PDS5B: variants seen among roughly 807,000 people sequenced by gnomAD.
PDS5B encodes the protein PDS5 cohesin associated factor B.
In PDS5B, 51 loss-of-function variants were observed where a neutral mutation model predicts 184.1. The ratio of observed to expected loss-of-function variants is 0.28; its 90% confidence interval spans 0.22 to 0.35. PDS5B has a LOEUF of 0.35. PDS5B is among the 10% of genes least tolerant of loss of function. The probability of loss-of-function intolerance (pLI) is 1.00; values close to 1 mark genes in which losing one functional copy is unlikely to be tolerated. For synonymous variants in PDS5B, 566 were observed against 569.2 expected, an observed-to-expected ratio of 0.99 and a Z score of 0.08; for missense variants, 1,180 against 1,723.3, an observed-to-expected ratio of 0.68 and a Z score of 5.58.
intron 2 of PDS5B, 138 bp from the exon 3 acceptor site, chr13:32,651,666 T>C (rs2140665048): frequency 3.5e-6 from 2 of 564,390 alleles, no homozygotes; most frequent in South Asian, 2.6e-5. Flanking sequence ...AATTGTGTTC[T>C]CTCAAATAGA....
At position 32,699,696 on chromosome 13, in the gene PDS5B, A is replaced by T; in HGVS notation, c.1601-34A>T. 3 of 1,266,716 alleles carry T rather than the reference A, an allele frequency of 2.4e-6. No individual in the cohort carries two copies. The South Asian group carries it at 5.7e-5, about 24-fold the overall frequency. The allele number at this position is 1,266,716 out of a possible 1,614,324, so 78.5% of individuals were successfully genotyped here. A position where few individuals can be genotyped will look rare whatever the true frequency, so the allele number is the denominator to read the frequency against. On this transcript the variant is annotated intron_variant, in intron 15 of 34. Coordinates refer to ENST00000315596, the MANE Select transcript of PDS5B (RefSeq NM_015032.4). ...TATTATTATTTTAAGAATTAAAAAA[A>T]ATTGATTTTAATTGAACTTTAATTT...
At chr13:32,611,431 A>G (rs1186560558) in intron 1 of PDS5B, among the ~76,000 whole-genome samples, 2 of 147,458 alleles carry the variant, frequency 1.4e-5, no homozygotes, top group African/African-American at 2.5e-5. Context: ...GTCTTTTTCT[A>G]CTCCATCCTT....
intron 1 of PDS5B, among the ~76,000 whole-genome samples, chr13:32,608,057 G>A (rs962509332): frequency 5.3e-5 from 8 of 152,126 alleles, no homozygotes; most frequent in Non-Finnish European, 1.0e-4. Context: ...CCCACTGTCC[G>A]ACAAGCCCCA....
chr13:32,712,736 A>G (rs919364132), intron 19 of PDS5B, among the ~76,000 whole-genome samples: 1 of 152,204 alleles, frequency 6.6e-6, no homozygotes, highest in Non-Finnish European at 1.5e-5. Flanking sequence ...AAGAGAAAGA[A>G]AGAAAACCTG....
At chr13:32,627,830 G>A (rs986105853) in intron 1 of PDS5B, among the ~76,000 whole-genome samples, 4 of 152,132 alleles carry the variant, frequency 2.6e-5, no homozygotes, top group Non-Finnish European at 4.4e-5. Flanking sequence ...CTTGCATACC[G>A]TTTGAGATCT....
At chr13:32,773,364 A>C in intron 34 of PDS5B, 40 bp downstream of exon 34, 1 of 1,550,560 alleles carries the variant, frequency 6.4e-7, no homozygotes, top group Non-Finnish European at 8.7e-7. Context: ...TGGGATATAA[A>C]AAGAGTTAGT....
At chr13:32,704,478 G>A (rs1013556563) in intron 17 of PDS5B, among the ~76,000 whole-genome samples, 2 of 152,174 alleles carry the variant, frequency 1.3e-5, no homozygotes, top group African/African-American at 4.8e-5. Flanking sequence ...CCTTGACCCA[G>A]TCCTTTTTAC....
intron 7 of PDS5B, among the ~76,000 whole-genome samples, chr13:32,672,519 G>A (rs1950964311): frequency 6.6e-6 from 1 of 152,190 alleles, no homozygotes; most frequent in Non-Finnish European, 1.5e-5. Context: ...TGAGAAGTCC[G>A]AGAGTAGGCT....
intron 6 of PDS5B, among the ~76,000 whole-genome samples, chr13:32,661,697 AT>A (rs1253160037): frequency 6.6e-6 from 1 of 152,090 alleles, no homozygotes; most frequent in Non-Finnish European, 1.5e-5. Flanking sequence ...TAAAAAAAAA[AT>A]AAAAAGAGGA....
intron 1 of PDS5B, among the ~76,000 whole-genome samples, chr13:32,599,670 T>G (rs1209645098): frequency 1.3e-5 from 2 of 151,934 alleles, no homozygotes; most frequent in Non-Finnish European, 2.9e-5. Context: ...ATCCCAGCAC[T>G]TTGGGAGGCC....
intron 1 of PDS5B, among the ~76,000 whole-genome samples, chr13:32,631,480 C>T (rs765469278): frequency 2.6e-5 from 4 of 152,146 alleles, no homozygotes; most frequent in Non-Finnish European, 4.4e-5. Flanking sequence ...AGCTATGCCA[C>T]GAGAACAATA....
intron 24 of PDS5B, among the ~76,000 whole-genome samples, chr13:32,751,008 T>C (rs1348198731): frequency 6.6e-6 from 1 of 152,114 alleles, no homozygotes; most frequent in African/African-American, 2.4e-5. Flanking sequence ...ACCCAAAAGG[T>C]AGTTTTTCCA....
Position 32,692,414 on chromosome 13 carries a change from C to CTTTTTTTTTTTTTTTTTTT in PDS5B, c.1470-1809_1470-1808insTTTTTTTTTTTTTTTTTTT, listed in dbSNP as rs1593440334. Among the ~76,000 whole-genome samples, 29 of 69,152 alleles carry CTTTTTTTTTTTTTTTTTTT rather than the reference C, an allele frequency of 4.2e-4. 13 individuals are homozygous for CTTTTTTTTTTTTTTTTTTT. The highest frequency in any genetic ancestry group is 4.5e-4 in the African/African-American group (9 of 19,840). The allele number at this position is 69,152 out of a possible 152,430, so 45.4% of individuals were successfully genotyped here. A position where few individuals can be genotyped will look rare whatever the true frequency, so the allele number is the denominator to read the frequency against. On this transcript the variant is annotated intron_variant, in intron 13 of 34. Coordinates refer to ENST00000315596, the MANE Select transcript of PDS5B (RefSeq NM_015032.4). ...ATTAAACAAGTTTGCGTCCAAAAAG[C>CTTTTTTTTTTTTTTTTTTT]CTTTTTTTTTTTTTTTTTTTTTTTT... is the stretch of plus-strand genomic sequence containing the variant.
chr13:32,602,721 A>G (rs951181096), intron 1 of PDS5B, among the ~76,000 whole-genome samples: 16 of 152,302 alleles, frequency 1.1e-4, no homozygotes, highest in Non-Finnish European at 1.6e-4. Flanking sequence ...CGACAATGCA[A>G]AAGTGTTCCT....
At chr13:32,665,632 C>T (rs1357319886) in intron 6 of PDS5B, among the ~76,000 whole-genome samples, 2 of 119,804 alleles carry the variant, frequency 1.7e-5, no homozygotes, top group Admixed American at 8.7e-5. Context: ...AACATCTTTA[C>T]AACCTCAAGA....
At chr13:32,671,655 A>G (rs1202470424) in intron 7 of PDS5B, among the ~76,000 whole-genome samples, 1 of 152,204 alleles carries the variant, frequency 6.6e-6, no homozygotes, top group African/African-American at 2.4e-5. Context: ...CTTCATGGCT[A>G]GGTAGTCTGG....
intron 5 of PDS5B, 125 bp from the exon 6 acceptor site, chr13:32,659,029 T>C (rs1950582022): frequency 1.4e-5 from 7 of 508,234 alleles, no homozygotes; most frequent in Non-Finnish European, 1.9e-5. Flanking sequence ...TAAATGAATA[T>C]ACATAGAATT....
intron 1 of PDS5B, among the ~76,000 whole-genome samples, chr13:32,646,769 A>G (rs1039587892): frequency 6.6e-6 from 1 of 152,096 alleles, no homozygotes; most frequent in Admixed American, 6.6e-5. Flanking sequence ...GTGCTAAGCA[A>G]TGTTGTAGGT....
intron 6 of PDS5B, among the ~76,000 whole-genome samples, chr13:32,663,066 T>G (rs1950691253): frequency 6.6e-6 from 1 of 152,094 alleles, no homozygotes. Context: ...TTAGTTGGTT[T>G]TAAAAACTCT....
Sources: allele counts gnomAD v4.1 joint callset (sites outside exome capture counted in the v4.1 genomes callset), GRCh38; gene constraint gnomAD v4.1.1; transcripts MANE v1.5; gene names NCBI Gene and HGNC (gene_info 2026-07-23, HGNC 2026-07-21).